The following ZC3H12B variants were observed in gnomAD, a reference collection of about 807,000 sequenced individuals.
ZC3H12B encodes the protein probable ribonuclease ZC3H12B.
In ZC3H12B, 7 loss-of-function variants were observed where a neutral mutation model predicts 43.9. That is an observed-to-expected ratio of 0.16 (90% CI 0.09 to 0.30). ZC3H12B has a LOEUF of 0.30. Among genes scored for constraint, ZC3H12B ranks in the 10% least tolerant of loss-of-function variants. ZC3H12B has a pLI of 1.00. For synonymous variants in ZC3H12B, 222 were observed against 241.7 expected, an observed-to-expected ratio of 0.92 and a Z score of 0.76; for missense variants, 475 against 670.2, an observed-to-expected ratio of 0.71 and a Z score of 3.22.
chrX:65,402,133 T>C (rs960151860), intron 3 of ZC3H12B, among the ~76,000 whole-genome samples: 4 of 111,749 alleles, frequency 3.6e-5, no homozygotes, highest in Non-Finnish European at 7.5e-5. Context: ...CAAAAGCTGA[T>C]GTCAGAGCTC....
the ZC3H12B span, among the ~76,000 whole-genome samples, chrX:65,279,650 C>T: frequency 1.8e-5 from 2 of 111,596 alleles, no homozygotes; most frequent in Non-Finnish European, 3.8e-5. Context: ...CCATCCTGGA[C>T]ATAGGAACAA....
At chrX:65,158,221 C>T in the ZC3H12B span, among the ~76,000 whole-genome samples, 531 of 109,683 alleles carry the variant, frequency 4.8e-3, 4 homozygotes, top group African/African-American at 0.016. Flanking sequence ...TGAATAGTGC[C>T]GCAATAAACA....
the ZC3H12B span, among the ~76,000 whole-genome samples, chrX:65,241,295 T>C: frequency 9.2e-6 from 1 of 108,385 alleles, no homozygotes; most frequent in Non-Finnish European, 1.9e-5. Flanking sequence ...TGAGGAGGGA[T>C]GGATTGGGGT....
the ZC3H12B span, among the ~76,000 whole-genome samples, chrX:65,257,513 G>A: frequency 9.1e-6 from 1 of 110,429 alleles, no homozygotes; most frequent in Non-Finnish European, 1.9e-5. Context: ...ATGACGAGTT[G>A]ATGGGTGCAG....
upstream of ZC3H12B, among the ~76,000 whole-genome samples, chrX:65,361,808 G>A (rs972145364): frequency 1.2e-4 from 13 of 110,630 alleles, no homozygotes; most frequent in East Asian, 1.4e-3. Flanking sequence ...AATTAACCTC[G>A]CCTTCAAGGT....
At chrX:65,489,239 C>G in exon 1 of ZC3H12B, 2 of 1,211,528 alleles carry the variant, frequency 1.7e-6, no homozygotes, top group Non-Finnish European at 2.2e-6. Context: ...CAGAGCTTGT[C>G]AGACTTGGGA....
intron 2 of ZC3H12B, among the ~76,000 whole-genome samples, chrX:65,388,927 C>T (rs2066570415): frequency 8.9e-6 from 1 of 111,874 alleles, no homozygotes; most frequent in South Asian, 3.7e-4. Flanking sequence ...TCCTGGGTAT[C>T]AGCAGTGGAG....
At position 65,501,951 on chromosome X, in the gene ZC3H12B, G is replaced by A. The variant is rs772301214; in HGVS notation, c.1253G>A (p.Ser418Asn). ...GCCAAGTGTGGCACAGGGATGTCTA[G>A]TGCCAAAGGTGAGATAACCTCAGAG... Residue 418 changes from serine (S) to asparagine (N), a missense_variant, in exon 5 of 5, where the codon AGT becomes AAT. Ser to Asn is a conservative substitution (Grantham distance 46, BLOSUM62 1). Transcript: ENST00000338957. 3.3e-6 allele frequency: 4 copies of A among 1,209,269 alleles called. No homozygotes were observed. The African/African-American group carries it at 5.2e-5, about 16-fold the overall frequency.
the ZC3H12B span, among the ~76,000 whole-genome samples, chrX:65,061,768 T>G: frequency 8.9e-6 from 1 of 112,444 alleles, no homozygotes; most frequent in Non-Finnish European, 1.9e-5. Flanking sequence ...GTTGAACTAA[T>G]TTACATTCTC....
intron 1 of ZC3H12B, among the ~76,000 whole-genome samples, chrX:65,493,017 C>T (rs1361121897): frequency 1.8e-5 from 2 of 110,969 alleles, no homozygotes; most frequent in Admixed American, 9.7e-5. Flanking sequence ...GTGGGAGAAT[C>T]GCTTGAGCCC....
chrX:65,058,992 G>T, the ZC3H12B span, among the ~76,000 whole-genome samples: 1 of 112,154 alleles, frequency 8.9e-6, no homozygotes, highest in South Asian at 3.7e-4. Context: ...TGCTTGGCTA[G>T]GAAAGGGAAT....
At chrX:65,357,643 G>A in the ZC3H12B span, 1 of 112,473 alleles carries the variant, frequency 8.9e-6, no homozygotes, top group South Asian at 3.7e-4. Flanking sequence ...AGCAAATGCT[G>A]AGAGATTTTG....
intron 2 of ZC3H12B, among the ~76,000 whole-genome samples, chrX:65,376,076 G>A (rs903186562): frequency 1.8e-5 from 2 of 111,917 alleles, no homozygotes; most frequent in East Asian, 2.8e-4. Flanking sequence ...GCCCTAAAGG[G>A]TGAGTCTCAA....
chrX:65,060,158 C>G, the ZC3H12B span, among the ~76,000 whole-genome samples: 1 of 112,135 alleles, frequency 8.9e-6, no homozygotes, highest in Admixed American at 9.4e-5. Flanking sequence ...CATCTGCAAA[C>G]AAGGATGATT....
the ZC3H12B span, among the ~76,000 whole-genome samples, chrX:65,292,074 A>C: frequency 1.8e-5 from 2 of 112,072 alleles, no homozygotes; most frequent in African/African-American, 6.5e-5. Flanking sequence ...CTGCTATTAC[A>C]TATGAAGACT....
chrX:65,426,413 A>T (rs970451507), intron 3 of ZC3H12B, among the ~76,000 whole-genome samples: 3 of 106,212 alleles, frequency 2.8e-5, no homozygotes, highest in African/African-American at 1.0e-4. Flanking sequence ...AAAAAAAAAA[A>T]AAACACAGCT....
intron 2 of ZC3H12B, among the ~76,000 whole-genome samples, chrX:65,395,903 C>T (rs181653593): frequency 1.9e-4 from 21 of 111,207 alleles, no homozygotes; most frequent in African/African-American, 5.2e-4. Context: ...ACTTCTCTCA[C>T]GTTTAGTATT....
intron 3 of ZC3H12B, among the ~76,000 whole-genome samples, chrX:65,443,330 T>C (rs988834358): frequency 1.2e-4 from 13 of 110,887 alleles, no homozygotes; most frequent in African/African-American, 4.3e-4. Context: ...CCCCCACGAA[T>C]GGACGCCACT....
chrX:65,035,683 C>G, the ZC3H12B span, among the ~76,000 whole-genome samples: 1 of 111,118 alleles, frequency 9.0e-6, no homozygotes, highest in African/African-American at 3.3e-5. Flanking sequence ...GGGCTGCTGT[C>G]GCTCCATGCC....
Sources: gnomAD v4.1 joint callset for allele counts (sites outside exome capture counted in the v4.1 genomes callset) on GRCh38, gnomAD v4.1.1 for gene constraint, MANE v1.5 for transcripts, NCBI Gene and HGNC (gene_info 2026-07-23, HGNC 2026-07-21) for gene names.